Variants in SEPTIN10 observed in about 807,000 individuals in gnomAD.
The protein encoded by SEPTIN10 is septin 10.
A neutral mutation model predicts 54.8 loss-of-function variants in SEPTIN10; 66 were observed. The observed-to-expected ratio is 1.21, with a 90% CI of 0.99 to 1.48. The LOEUF (loss-of-function observed/expected upper bound fraction) is 1.48, where lower values mean the gene tolerates loss of function less well. SEPTIN10 is among the 40% of genes most tolerant of loss of function. The pLI is 0.00. For missense variants in SEPTIN10, 620 were observed against 545.6 expected (o/e 1.14, Z -1.36); for synonymous variants, 161 against 181.0 (o/e 0.89, Z 0.89).
At chr2:109,558,707 A>G (rs1386359676) in intron 8 of SEPTIN10, among the ~76,000 whole-genome samples, 1 of 152,120 alleles carries the variant, frequency 6.6e-6, no homozygotes, top group South Asian at 2.1e-4. Context: ...GGAAAAACAA[A>G]CGGAAGTTCT....
intron 5 of SEPTIN10, among the ~76,000 whole-genome samples, chr2:109,572,814 A>G (rs1688730988): frequency 6.6e-6 from 1 of 151,658 alleles, no homozygotes; most frequent in Non-Finnish European, 1.5e-5. Context: ...ACAAGGTTTC[A>G]CTATGTTGGC....
intron 4 of SEPTIN10, among the ~76,000 whole-genome samples, chr2:109,578,441 G>T (rs1690238687): frequency 6.6e-6 from 1 of 152,176 alleles, no homozygotes; most frequent in Admixed American, 6.5e-5. Flanking sequence ...CAATGCTTCA[G>T]GATAAAATAA....
intron 1 of SEPTIN10, among the ~76,000 whole-genome samples, chr2:109,603,243 A>AT (rs965602044): frequency 1.2e-3 from 176 of 148,348 alleles, no homozygotes; most frequent in Non-Finnish European, 1.7e-3. Flanking sequence ...TAATATTATT[A>AT]TTTTTTTTTT....
chr2:109,568,551 G>GT (rs1305461382), intron 5 of SEPTIN10, among the ~76,000 whole-genome samples: 1 of 151,888 alleles, frequency 6.6e-6, no homozygotes, highest in Non-Finnish European at 1.5e-5. Context: ...CAGAACTCTT[G>GT]TAAGATTAAT....
chr2:109,560,807 C>T (rs1019184016), intron 8 of SEPTIN10, among the ~76,000 whole-genome samples: 11 of 152,126 alleles, frequency 7.2e-5, no homozygotes, highest in Non-Finnish European at 1.0e-4. Flanking sequence ...ATTCAGGAGA[C>T]TAGGCGTCTC....
At chr2:109,580,356 A>C in intron 4 of SEPTIN10, among the ~76,000 whole-genome samples, 1 of 151,832 alleles carries the variant, frequency 6.6e-6, no homozygotes, top group Admixed American at 6.5e-5. Flanking sequence ...ATGCAAAAAA[A>C]AAAAAAAAAT....
intron 1 of SEPTIN10, among the ~76,000 whole-genome samples, chr2:109,612,655 C>T (rs1260505190): frequency 1.3e-5 from 2 of 152,180 alleles, no homozygotes; most frequent in Non-Finnish European, 2.9e-5. Flanking sequence ...GATACGTAAT[C>T]TATGAATCAA....
chr2:109,585,714 C>G lies in SEPTIN10; in HGVS notation c.217+7G>C, dbSNP rs1280650090. 1 of 1,580,454 alleles carries G rather than the reference C, an allele frequency of 6.3e-7. No individual in the cohort carries two copies. The highest frequency in any genetic ancestry group is 8.7e-7 in the Non-Finnish European group (1 of 1,150,866). ...AACAACTTAGAGGAAGAGTAGGTGG[C>G]ACGTACCCACACAGAGAATATTAAA... On this transcript the variant is annotated splice_region_variant and intron_variant, in intron 3 of 10. Coordinates refer to ENST00000397712, the MANE Select transcript of SEPTIN10 (RefSeq NM_144710.5).
chr2:109,563,342 G>A (rs976660805), intron 8 of SEPTIN10, among the ~76,000 whole-genome samples: 1 of 152,066 alleles, frequency 6.6e-6, no homozygotes, highest in Non-Finnish European at 1.5e-5. Context: ...ATGCAACAGC[G>A]GCACTAATTT....
At chr2:109,589,984 G>A (rs1460367989) in intron 2 of SEPTIN10, among the ~76,000 whole-genome samples, 8 of 150,978 alleles carry the variant, frequency 5.3e-5, no homozygotes, top group Non-Finnish European at 1.2e-4. Context: ...TTAAAAATAT[G>A]CATTATGTGC....
chr2:109,547,522 A>T (rs570553653), intron 9 of SEPTIN10, among the ~76,000 whole-genome samples: 1 of 152,268 alleles, frequency 6.6e-6, no homozygotes, highest in South Asian at 2.1e-4. Context: ...TAAAGAATAC[A>T]ATTCAGCAGT....
intron 2 of SEPTIN10, 39 bp downstream of exon 2, chr2:109,593,012 T>G (rs770231391): frequency 2.2e-6 from 3 of 1,351,282 alleles, no homozygotes; most frequent in Non-Finnish European, 3.0e-6. Context: ...TAGAAGCATT[T>G]AGAGTACAAT....
At chr2:109,549,125 C>A (rs1053717062) in intron 9 of SEPTIN10, among the ~76,000 whole-genome samples, 2 of 152,166 alleles carry the variant, frequency 1.3e-5, no homozygotes, top group Non-Finnish European at 2.9e-5. Context: ...TTAAAGGGCA[C>A]ACTCCCCAGA....
At chr2:109,563,949 T>C (rs1198118935) in intron 8 of SEPTIN10, among the ~76,000 whole-genome samples, 4 of 152,184 alleles carry the variant, frequency 2.6e-5, no homozygotes, top group African/African-American at 9.7e-5. Flanking sequence ...AGTAAGACCC[T>C]GTCTCTACAA....
intron 5 of SEPTIN10, among the ~76,000 whole-genome samples, chr2:109,568,535 AG>A (rs753980205): frequency 2.3e-4 from 35 of 152,196 alleles, no homozygotes; most frequent in Non-Finnish European, 4.6e-4. Context: ...CAATGCTTTC[AG>A]AAAGCAGAAC....
chr2:109,569,868 T>C (rs1381904458), intron 5 of SEPTIN10, among the ~76,000 whole-genome samples: 2 of 152,140 alleles, frequency 1.3e-5, no homozygotes, highest in East Asian at 1.9e-4. Flanking sequence ...TAACTTTCCA[T>C]GTCAAGCAGT....
At chr2:109,562,494 C>G (rs1349106755) in intron 8 of SEPTIN10, among the ~76,000 whole-genome samples, 1 of 151,962 alleles carries the variant, frequency 6.6e-6, no homozygotes, top group Non-Finnish European at 1.5e-5. Flanking sequence ...TAGCATTTGG[C>G]TGAGCAGATA....
intron 1 of SEPTIN10, among the ~76,000 whole-genome samples, chr2:109,599,821 A>C (rs923555737): frequency 6.6e-6 from 1 of 152,088 alleles, no homozygotes; most frequent in Non-Finnish European, 1.5e-5. Flanking sequence ...TTTTAAAATT[A>C]CTCCTCCTAA....
At chr2:109,554,235 T>G (rs778895716) in intron 8 of SEPTIN10, among the ~76,000 whole-genome samples, 6 of 152,122 alleles carry the variant, frequency 3.9e-5, no homozygotes, top group Non-Finnish European at 8.8e-5. Flanking sequence ...AAGGGAAAAT[T>G]GTAAAGATCA....
Sources: allele counts gnomAD v4.1 joint callset (sites outside exome capture counted in the v4.1 genomes callset), GRCh38; gene constraint gnomAD v4.1.1; transcripts MANE v1.5; gene names NCBI Gene and HGNC (gene_info 2026-07-23, HGNC 2026-07-21).